The following WDPCP variants were observed in gnomAD, a reference collection of about 807,000 sequenced individuals.
The protein encoded by WDPCP is WD repeat-containing and planar cell polarity effector protein fritz homolog.
In WDPCP, 71 loss-of-function variants were observed where a neutral mutation model predicts 93.1. The ratio of observed to expected loss-of-function variants is 0.76; its 90% CI spans 0.63 to 0.93. The LOEUF (loss-of-function observed/expected upper bound fraction) is 0.93, where lower values mean the gene tolerates loss of function less well. WDPCP is among the 40% of genes least tolerant of loss of function. The pLI is 0.00. For missense variants in WDPCP, 844 were observed against 887.4 expected (o/e 0.95, Z 0.62); for synonymous variants, 315 against 315.0 (o/e 1.00, Z 0.00).
chr2:63,772,806 A>T (rs1670248469), intron 2 of WDPCP, among the ~76,000 whole-genome samples: 1 of 152,058 alleles, frequency 6.6e-6, no homozygotes, highest in Non-Finnish European at 1.5e-5. Flanking sequence ...AAACTTCATT[A>T]AGCTGATAAA....
At chr2:63,783,206 G>A (rs1363311675) in intron 2 of WDPCP, among the ~76,000 whole-genome samples, 2 of 151,782 alleles carry the variant, frequency 1.3e-5, no homozygotes, top group Non-Finnish European at 2.9e-5. Flanking sequence ...GAGGCCAGGA[G>A]TTCAGGACCA....
At chr2:63,522,082 G>A (rs1287725085) in intron 1 of WDPCP, among the ~76,000 whole-genome samples, 8 of 152,054 alleles carry the variant, frequency 5.3e-5, no homozygotes, top group Middle Eastern at 3.4e-3. Context: ...TGTATAGAAT[G>A]TGCATGCTTG....
At chr2:63,814,371 A>G (rs1455173605) in intron 1 of WDPCP, among the ~76,000 whole-genome samples, 3 of 152,000 alleles carry the variant, frequency 2.0e-5, no homozygotes, top group African/African-American at 7.2e-5. Context: ...AAGCAGAAAG[A>G]TCTGTCCAGT....
chr2:63,822,853 AAT>A (rs1307791975), intron 1 of WDPCP, among the ~76,000 whole-genome samples: 2 of 150,466 alleles, frequency 1.3e-5, no homozygotes, highest in Admixed American at 6.6e-5. Context: ...CTTGTCTCTA[AAT>A]ATATATATAT....
chr2:63,697,145 GTAGT>G (rs72273640), intron 2 of WDPCP, among the ~76,000 whole-genome samples: 115,130 of 151,032 alleles, frequency 0.76, 44,852 homozygotes, highest in African/African-American at 0.85. Flanking sequence ...AGTAGTAGTA[GTAGT>G]TATAGTAGTT....
chr2:63,534,105 A>G (rs1704073738), intron 1 of WDPCP, among the ~76,000 whole-genome samples: 1 of 152,206 alleles, frequency 6.6e-6, no homozygotes, highest in Non-Finnish European at 1.5e-5. Flanking sequence ...AAACTAGAAA[A>G]TCTAGAAGAA....
At chr2:63,197,376 A>C (rs553436933) in intron 14 of WDPCP, among the ~76,000 whole-genome samples, 12 of 152,204 alleles carry the variant, frequency 7.9e-5, no homozygotes, top group Non-Finnish European at 1.8e-4. Context: ...TCCAATCAAC[A>C]GTTGGCTACT....
chr2:63,678,630 G>C (rs1306959839), intron 2 of WDPCP, among the ~76,000 whole-genome samples: 1 of 152,214 alleles, frequency 6.6e-6, no homozygotes, highest in Non-Finnish European at 1.5e-5. Context: ...TTCCCAACTA[G>C]GTTCCTGTGT....
chr2:63,670,312 T>C (rs1710330047), intron 2 of WDPCP, among the ~76,000 whole-genome samples: 1 of 152,186 alleles, frequency 6.6e-6, no homozygotes, highest in Non-Finnish European at 1.5e-5. Flanking sequence ...TGGTATACTT[T>C]GGCTCTGGCT....
intron 17 of WDPCP, among the ~76,000 whole-genome samples, chr2:63,143,009 G>A (rs1347997053): frequency 6.6e-6 from 1 of 151,880 alleles, no homozygotes; most frequent in African/African-American, 2.4e-5. Context: ...GGAGTGCAGT[G>A]GTGCGATCTT....
At chr2:63,137,694 C>T (rs1670724769) in intron 17 of WDPCP, among the ~76,000 whole-genome samples, 1 of 152,104 alleles carries the variant, frequency 6.6e-6, no homozygotes, top group South Asian at 2.1e-4. Context: ...TTGGGTTTTA[C>T]ATTTAAGTCT....
chr2:63,462,804 G>A (rs1406112646), intron 6 of WDPCP, among the ~76,000 whole-genome samples: 3 of 152,136 alleles, frequency 2.0e-5, no homozygotes, highest in Non-Finnish European at 1.5e-5. Context: ...CAGGTTTCTG[G>A]TTTCTATAAA....
chr2:63,211,222 A>G (rs1299361857), intron 14 of WDPCP, among the ~76,000 whole-genome samples: 9 of 152,188 alleles, frequency 5.9e-5, no homozygotes, highest in Admixed American at 5.9e-4. Context: ...GGGCTGACTG[A>G]CACCTCATAC....
chr2:63,515,519 T>C (rs183217296), intron 1 of WDPCP, among the ~76,000 whole-genome samples: 5 of 152,346 alleles, frequency 3.3e-5, no homozygotes, highest in East Asian at 1.9e-4. Flanking sequence ...CTCTCACTTA[T>C]AATTTAAATA....
rs570975194 is a variant in WDPCP, at chr2:63,448,788, C to T, written c.385-8917G>A. Among the ~76,000 whole-genome samples the T allele has an allele frequency of 6.5e-4, 99 of 152,200 alleles. 1 individual carries two copies. Among genetic ancestry groups the T allele is most frequent in the Non-Finnish European group, 1.2e-3 (83 of 67,998 alleles). ...GAAAGACAAATACTGCATGATCTCA[C>T]TTACATGTGGAATCTAAAAAAGTAA... On this transcript the variant is annotated intron_variant, in intron 6 of 17. Coordinates refer to ENST00000272321, the MANE Select transcript of WDPCP (RefSeq NM_015910.7).
chr2:63,491,477 C>T (rs1184674284), intron 2 of WDPCP, among the ~76,000 whole-genome samples: 1 of 152,198 alleles, frequency 6.6e-6, no homozygotes, highest in Non-Finnish European at 1.5e-5. Context: ...TCTTCTTTCT[C>T]GGGTCTTGCA....
At position 63,636,130 on chromosome 2, in the gene WDPCP, G is replaced by A. The variant is rs528706487; in HGVS notation, n.488+14529C>T. Reference sequence around the variant, plus strand: ...TTACAATAGCATCAAAAAAATTAATGTATTTGGGAATAATTTTAACTATGG... The same window carrying A: ...TTACAATAGCATCAAAAAAATTAATATATTTGGGAATAATTTTAACTATGG... On this transcript the variant is annotated intron_variant and non_coding_transcript_variant, in intron 3 of 4. Coordinates refer to the WDPCP transcript ENST00000467687. 5.9e-5 allele frequency among the ~76,000 whole-genome samples: 9 copies of A among 152,234 alleles called. No individual in the cohort carries two copies. In the East Asian group the frequency reaches 1.5e-3, roughly 26 times the overall value.
At chr2:63,222,768 G>T (rs145837614) in intron 14 of WDPCP, among the ~76,000 whole-genome samples, 224 of 152,166 alleles carry the variant, frequency 1.5e-3, no homozygotes, top group African/African-American at 5.2e-3. Context: ...TTTTAGTATA[G>T]AATTGTTACA....
At chr2:63,576,896 A>C (rs1423088673) in intron 1 of WDPCP, among the ~76,000 whole-genome samples, 1 of 152,208 alleles carries the variant, frequency 6.6e-6, no homozygotes, top group Non-Finnish European at 1.5e-5. Context: ...TCCATCATTA[A>C]CAGGTTTCTC....
Sources: gnomAD v4.1 joint callset for allele counts (sites outside exome capture counted in the v4.1 genomes callset) on GRCh38, gnomAD v4.1.1 for gene constraint, MANE v1.5 for transcripts, NCBI Gene and HGNC (gene_info 2026-07-23, HGNC 2026-07-21) for gene names.